Variants in USP9X observed in about 807,000 individuals in gnomAD.
The protein encoded by USP9X is ubiquitin carboxyl-terminal hydrolase 9X.
A neutral mutation model predicts 190.3 loss-of-function variants in USP9X; 7 were observed. The ratio of observed to expected loss-of-function variants is 0.04; its 90% CI spans 0.02 to 0.07. USP9X has a LOEUF of 0.07. Among genes scored for constraint, USP9X ranks in the 10% least tolerant of loss-of-function variants. The pLI, the probability that USP9X is intolerant of heterozygous loss-of-function variation, is 1.00. For missense variants in USP9X, 1,010 were observed against 1,916.9 expected (o/e 0.53, Z 8.83); for synonymous variants, 645 against 659.5 (o/e 0.98, Z 0.34).
At position 41,229,247 on chromosome X, in the gene USP9X, T is replaced by G; in HGVS notation, c.7062-6T>G. 1 of 1,171,850 alleles carries G rather than the reference T, an allele frequency of 8.5e-7. No individual in the cohort carries two copies. On this transcript the variant is annotated splice_polypyrimidine_tract_variant and splice_region_variant and intron_variant, in intron 41 of 44. Coordinates refer to ENST00000378308, the MANE Select transcript of USP9X (RefSeq NM_001039591.3). ...TGTTTTTATTTTATATCTGGTTCTC[T>G]TTCAGAATTCATAATGCACTGAAAG...
At chrX:41,114,044 C>T (rs1050760407) in intron 1 of USP9X, among the ~76,000 whole-genome samples, 6 of 112,592 alleles carry the variant, frequency 5.3e-5, no homozygotes, top group African/African-American at 1.6e-4. Context: ...TTTGCTACTG[C>T]GATGAGTTTG....
chrX:41,182,601 G>C (rs2062837440), intron 21 of USP9X, among the ~76,000 whole-genome samples: 1 of 110,419 alleles, frequency 9.1e-6, no homozygotes, highest in South Asian at 3.8e-4. Context: ...GCAGGGTTTT[G>C]CATGGTGAAA....
chrX:41,148,227 A>G (rs1294495482), intron 11 of USP9X, 142 bp from the exon 12 acceptor site: 1 of 585,804 alleles, frequency 1.7e-6, no homozygotes, highest in Non-Finnish European at 2.6e-6. Context: ...ATACCAGGCT[A>G]ACTATATTTT....
At chrX:41,089,935 A>T (rs2061943098) in intron 1 of USP9X, among the ~76,000 whole-genome samples, 2 of 46,734 alleles carry the variant, frequency 4.3e-5, no homozygotes, top group East Asian at 7.5e-4. Context: ...TTTTTTTGAG[A>T]CAGATTCTCA....
intron 26 of USP9X, 21 bp from the exon 27 acceptor site, chrX:41,196,230 G>A (rs769707401): frequency 8.3e-7 from 1 of 1,201,453 alleles, no homozygotes; most frequent in Non-Finnish European, 1.1e-6. Flanking sequence ...TGTATTAAAT[G>A]TGAAACATTT....
chrX:41,133,258 GGTTACA>G (rs2062340100), intron 4 of USP9X, among the ~76,000 whole-genome samples: 1 of 111,429 alleles, frequency 9.0e-6, no homozygotes, highest in Admixed American at 9.5e-5. Context: ...TACGCGGACA[GGTTACA>G]GTTGTTTTCA....
chrX:41,216,690 A>G, intron 35 of USP9X, 38 bp downstream of exon 35: 1 of 1,139,681 alleles, frequency 8.8e-7, no homozygotes, highest in Non-Finnish European at 1.2e-6. Context: ...AGTAATAAAG[A>G]ATAATTTATA....
intron 10 of USP9X, among the ~76,000 whole-genome samples, chrX:41,144,141 C>T (rs762378335): frequency 2.6e-4 from 29 of 110,551 alleles, no homozygotes; most frequent in African/African-American, 9.5e-4. Flanking sequence ...CCAAAATACA[C>T]ATTAGCTGTA....
rs116556221 is a variant in USP9X, at chrX:41,206,353, G to A, written c.5015+860G>A. Among the ~76,000 whole-genome samples the A allele has an allele frequency of 1.5e-3, 168 of 111,870 alleles. 1 individual carries two copies. Among genetic ancestry groups the A allele is most frequent in the African/African-American group, 5.3e-3 (164 of 30,817 alleles). On this transcript the variant is annotated intron_variant, in intron 32 of 44. Coordinates refer to ENST00000378308, the MANE Select transcript of USP9X (RefSeq NM_001039591.3). ...ATCTCTGTCAGTGTTTGAATTTACC[G>A]AGTTATCTCATAACTGGTTTTTACT... is the stretch of plus-strand genomic sequence containing the variant.
chrX:41,223,957 C>A (rs1469083789), intron 39 of USP9X, among the ~76,000 whole-genome samples: 1 of 110,564 alleles, frequency 9.0e-6, no homozygotes, highest in African/African-American at 3.3e-5. Flanking sequence ...AATCCCTATG[C>A]TTTGGGGGAG....
At chrX:41,219,820 A>G (rs987818550) in intron 38 of USP9X, among the ~76,000 whole-genome samples, 4 of 111,518 alleles carry the variant, frequency 3.6e-5, no homozygotes, top group African/African-American at 1.3e-4. Flanking sequence ...TATCTCTACA[A>G]AATAAAATTT....
At chrX:41,221,574 C>T (rs1459409025) in intron 38 of USP9X, among the ~76,000 whole-genome samples, 6 of 111,243 alleles carry the variant, frequency 5.4e-5, no homozygotes, top group Non-Finnish European at 1.1e-4. Flanking sequence ...ACTTGATAAA[C>T]TTGGCGTGGC....
chrX:41,207,757 G>A (rs775032121), intron 32 of USP9X, among the ~76,000 whole-genome samples: 7 of 110,985 alleles, frequency 6.3e-5, no homozygotes, highest in South Asian at 7.6e-4. Flanking sequence ...ACTCTGATCC[G>A]CCTTCCCTTC....
chrX:41,208,998 G>A (rs775027022), intron 32 of USP9X, among the ~76,000 whole-genome samples: 13 of 111,483 alleles, frequency 1.2e-4, no homozygotes, highest in East Asian at 8.4e-4. Flanking sequence ...GTGAGCCACC[G>A]CGCCCGGCCT....
At position 41,216,652 on chromosome X, in the gene USP9X, G is replaced by A. The variant is rs745386309; in HGVS notation, c.6085G>A (p.Gly2029Arg). The A allele has an allele frequency of 8.3e-7, 1 of 1,200,326 alleles. No homozygotes were observed. The highest frequency in any genetic ancestry group is 1.1e-6 in the Non-Finnish European group (1 of 888,977). The change falls in exon 35 of 45, where the codon GGG (glycine) becomes AGG (arginine). Residue 2029 changes from glycine (G) to arginine (R), a missense_variant and splice_region_variant. Coordinates refer to ENST00000378308, the MANE Select transcript of USP9X (RefSeq NM_001039591.3). ...CNGVYLNPPP[G>R]QDHLLPEAEE... ...TGGCGTTTACTTAAACCCTCCTCCC[G>A]GTGAGTATCAAGAGAGTTTAGCTTC...
At chrX:41,134,043 G>A (rs1337134482) in intron 4 of USP9X, among the ~76,000 whole-genome samples, 1 of 112,089 alleles carries the variant, frequency 8.9e-6, no homozygotes, top group Non-Finnish European at 1.9e-5. Flanking sequence ...TCATTTAATA[G>A]CATTGACATT....
At chrX:41,130,756 C>G (rs2062305367) in intron 3 of USP9X, among the ~76,000 whole-genome samples, 1 of 103,445 alleles carries the variant, frequency 9.7e-6, no homozygotes, top group African/African-American at 3.6e-5. Flanking sequence ...GACGGTGTCT[C>G]ACTCTGTTGC....
intron 9 of USP9X, among the ~76,000 whole-genome samples, chrX:41,141,858 T>G (rs2062425584): frequency 1.8e-5 from 2 of 111,983 alleles, no homozygotes; most frequent in Non-Finnish European, 3.8e-5. Context: ...CTATACAAAT[T>G]GTTTTATCAC....
At chrX:41,231,157 G>A (rs1457337547) in intron 44 of USP9X, among the ~76,000 whole-genome samples, 3 of 111,727 alleles carry the variant, frequency 2.7e-5, no homozygotes, top group Non-Finnish European at 5.6e-5. Flanking sequence ...ATCAGCTCTT[G>A]TGAGGCAGTG....
Sources: allele counts gnomAD v4.1 joint callset (sites outside exome capture counted in the v4.1 genomes callset), GRCh38; gene constraint gnomAD v4.1.1; transcripts MANE v1.5; gene names NCBI Gene and HGNC (gene_info 2026-07-23, HGNC 2026-07-21).